GPA33: variants seen among roughly 807,000 people sequenced by gnomAD.
The protein encoded by GPA33 is cell surface A33 antigen.
Under a neutral mutation model 35.6 loss-of-function variants are expected in GPA33, and 27 were observed. The observed-to-expected ratio is 0.76, with a 90% CI of 0.56 to 1.04. The LOEUF is 1.04. Among genes scored for constraint, GPA33 ranks in the 50% least tolerant of loss-of-function variants. GPA33 has a pLI of 0.00. For missense variants in GPA33, 428 were observed against 411.9 expected, an observed-to-expected ratio of 1.04 and a Z score of -0.34; for synonymous variants, 176 against 164.0, an observed-to-expected ratio of 1.07 and a Z score of -0.56.
Position 167,073,390 on chromosome 1 carries a change from G to A in GPA33, c.193C>T (p.His65Tyr). ...LIQWDKLLLTHTERVVIWPFS... is the reference protein window; with the variant it reads ...LIQWDKLLLTYTERVVIWPFS... ...AACTTGTAAAGTATCCTTACCGTAT[G>A]AGTGAGGAGGAGCTTATCCCATTGA... is the stretch of plus-strand genomic sequence containing the variant. The change falls in exon 2 of 7, where the codon CAT becomes TAT. Residue 65 changes from histidine to tyrosine, a missense_variant. His to Tyr is a moderately conservative substitution (Grantham distance 83, BLOSUM62 2). Transcript: ENST00000367868. 2.5e-6 allele frequency: 4 copies of A among 1,613,196 alleles called. No individual in the cohort carries two copies. Among genetic ancestry groups the A allele is most frequent in the South Asian group, 2.2e-5 (2 of 91,048 alleles).
At chr1:167,082,280 T>G (rs1174133723) in intron 1 of GPA33, 1 of 456,180 alleles carries the variant, frequency 2.2e-6, no homozygotes, top group Non-Finnish European at 4.4e-6. Context: ...ATCTGAGATT[T>G]CTTCTATGTG....
chr1:167,082,392 T>C, intron 1 of GPA33: 1 of 442,488 alleles, frequency 2.3e-6, no homozygotes, highest in South Asian at 1.6e-5. Context: ...GCAGCCTATT[T>C]TGTCAGGAGC....
intron 4 of GPA33, among the ~76,000 whole-genome samples, chr1:167,056,737 G>GTGTGTGTGATGAGTGTGTGA (rs1666292941): frequency 5.5e-3 from 11 of 2,006 alleles, no homozygotes; most frequent in East Asian, 0.024. Context: ...GATGTATGTG[G>GTGTGTGTGATGAGTGTGTGA]TGTGTGTGGT....
chr1:167,073,755 C>G (rs1666767974), intron 1 of GPA33, among the ~76,000 whole-genome samples: 1 of 152,168 alleles, frequency 6.6e-6, no homozygotes, highest in African/African-American at 2.4e-5. Context: ...TGACTCCACC[C>G]CACAGCATGA....
intron 3 of GPA33, among the ~76,000 whole-genome samples, chr1:167,066,135 C>T (rs537867951): frequency 5.4e-4 from 82 of 152,134 alleles, no homozygotes; most frequent in Middle Eastern, 3.2e-3. Context: ...AATTGGAGAG[C>T]GGGCAAAACA....
intron 1 of GPA33, among the ~76,000 whole-genome samples, chr1:167,074,849 C>T (rs1267997751): frequency 1.3e-5 from 2 of 150,392 alleles, no homozygotes; most frequent in African/African-American, 4.9e-5. Flanking sequence ...GTATTTTGCT[C>T]TGAATGAAGT....
intron 1 of GPA33, among the ~76,000 whole-genome samples, chr1:167,086,003 G>A (rs1033961829): frequency 6.6e-6 from 1 of 152,254 alleles, no homozygotes; most frequent in Non-Finnish European, 1.5e-5. Context: ...AACCAGGGTT[G>A]AGAGCCACTG....
intron 3 of GPA33, among the ~76,000 whole-genome samples, chr1:167,066,653 G>A (rs946143070): frequency 6.6e-6 from 1 of 152,236 alleles, no homozygotes; most frequent in African/African-American, 2.4e-5. Context: ...ACCTCCGGGG[G>A]ACTCGGTATA....
chr1:167,080,823 T>G (rs867272226), intron 1 of GPA33, among the ~76,000 whole-genome samples: 2 of 152,192 alleles, frequency 1.3e-5, no homozygotes, highest in Non-Finnish European at 2.9e-5. Flanking sequence ...GCAAAGTGCC[T>G]AACATGTAAA....
chr1:167,056,013 C>G (rs1666240963), intron 4 of GPA33, among the ~76,000 whole-genome samples, 164 bp from the exon 5 acceptor site: 1 of 152,192 alleles, frequency 6.6e-6, no homozygotes, highest in Non-Finnish European at 1.5e-5. Flanking sequence ...TTAAACCAGG[C>G]AGGGCCCACA....
chr1:167,059,778 G>T (rs1212037189), intron 4 of GPA33, among the ~76,000 whole-genome samples: 1 of 152,106 alleles, frequency 6.6e-6, no homozygotes, highest in Non-Finnish European at 1.5e-5. Context: ...TTTTTTCAAA[G>T]GGCAGTACTA....
intron 1 of GPA33, among the ~76,000 whole-genome samples, chr1:167,086,092 G>T (rs78269326): frequency 1.8e-3 from 269 of 152,350 alleles, no homozygotes; most frequent in African/African-American, 6.1e-3. Flanking sequence ...CTCCATTGAG[G>T]CTGGGACTGA....
chr1:167,069,089 T>C lies in GPA33; in HGVS notation c.248A>G (p.Glu83Gly). The C allele has an allele frequency of 6.2e-7, 1 of 1,614,070 alleles. No individual in the cohort carries two copies. The highest frequency in any genetic ancestry group is 8.5e-7 in the Non-Finnish European group (1 of 1,179,966). ...TATGCTGACGCGATTCTTATAAAGCTCACCATGGATGTAGTTTTTGTTTGA... is the reference window on the plus strand; with the variant it reads ...TATGCTGACGCGATTCTTATAAAGCCCACCATGGATGTAGTTTTTGTTTGA... ...PFSNKNYIHG[E>G]LYKNRVSISN... Residue 83 changes from glutamate to glycine, a missense_variant, in exon 3 of 7, where the codon GAG becomes GGG. Glu to Gly is a moderately conservative substitution (Grantham distance 98, BLOSUM62 -2). Transcript: ENST00000367868.
intron 1 of GPA33, among the ~76,000 whole-genome samples, chr1:167,087,910 T>TCACACACACACACACACACACACACACA (rs375861023): frequency 1.1e-4 from 16 of 149,858 alleles, no homozygotes; most frequent in African/African-American, 3.9e-4. Flanking sequence ...AGACTCTGTC[T>TCACACACACACACACACACACACACACA]CACACACACA....
intron 4 of GPA33, among the ~76,000 whole-genome samples, chr1:167,062,650 T>TTTTTC (rs1666484259): frequency 7.1e-6 from 1 of 140,120 alleles, no homozygotes; most frequent in Non-Finnish European, 1.6e-5. Context: ...CTCTTTCTTT[T>TTTTTC]TTTTTTTTTT....
intron 1 of GPA33, among the ~76,000 whole-genome samples, chr1:167,083,123 T>C (rs774778135): frequency 1.3e-4 from 20 of 152,118 alleles, no homozygotes; most frequent in Admixed American, 6.6e-5. Context: ...ACTTCCACCA[T>C]TGACAGAAGG....
chr1:167,088,824 C>T (rs931513732), intron 1 of GPA33, among the ~76,000 whole-genome samples: 1 of 152,158 alleles, frequency 6.6e-6, no homozygotes, highest in Non-Finnish European at 1.5e-5. Context: ...TTCTGGCTTA[C>T]CAGGAGAAGA....
At chr1:167,056,675 T>TGGGGGCA (rs1666278563) in intron 4 of GPA33, among the ~76,000 whole-genome samples, 1 of 1,108 alleles carries the variant, frequency 9.0e-4, no homozygotes, top group Non-Finnish European at 1.8e-3. Context: ...GAGTGTGTGA[T>TGGGGGCA]GTGTCTGGTG....
At chr1:167,058,369 T>C (rs1178875368) in intron 4 of GPA33, 1 of 152,156 alleles carries the variant, frequency 6.6e-6, no homozygotes, top group African/African-American at 2.4e-5. Context: ...CCTCTTGGTG[T>C]TTCCAGTCTC....
Sources: gnomAD v4.1 joint callset for allele counts (sites outside exome capture counted in the v4.1 genomes callset) on GRCh38, gnomAD v4.1.1 for gene constraint, MANE v1.5 for transcripts, NCBI Gene and HGNC (gene_info 2026-07-23, HGNC 2026-07-21) for gene names.